The following PCDH11X variants were observed in gnomAD, a reference collection of about 807,000 sequenced individuals.
PCDH11X encodes the protein protocadherin 11 X-linked.
In PCDH11X, 18 loss-of-function variants were observed where a neutral mutation model predicts 53.3. The ratio of observed to expected loss-of-function variants is 0.34; its 90% confidence interval spans 0.23 to 0.50. The LOEUF (loss-of-function observed/expected upper bound fraction) is 0.50. Among genes scored for constraint, PCDH11X ranks in the 20% least tolerant of loss-of-function variants. The pLI, the probability that PCDH11X is intolerant of heterozygous loss-of-function variation, is 0.98. For missense variants in PCDH11X, 570 were observed against 1,032.4 expected, an observed-to-expected ratio of 0.55 and a Z score of 6.14; for synonymous variants, 279 against 393.3, an observed-to-expected ratio of 0.71 and a Z score of 3.44.
chrX:91,781,015 G>A (rs946623587), intron 1 of PCDH11X, among the ~76,000 whole-genome samples: 4 of 112,271 alleles, frequency 3.6e-5, no homozygotes, highest in Middle Eastern at 4.2e-3. Context: ...GCGCTAGGCT[G>A]CTCATGTGAA....
chrX:92,375,416 G>T (rs2070729337), intron 8 of PCDH11X, among the ~76,000 whole-genome samples: 1 of 99,913 alleles, frequency 1.0e-5, no homozygotes, highest in African/African-American at 3.7e-5. Context: ...CTGACCTCAT[G>T]ATCCACCCTC....
rs191771978 is a variant in PCDH11X at position 92,151,374 on chromosome X, A to G, written c.3034-50001A>G. ...TGCCTGGCTAATTTTTTGTATTTTC[A>G]GTAGAGACAGGGTTTCACCGTGTTA... On this transcript the variant is annotated intron_variant, in intron 6 of 10. Coordinates refer to ENST00000682573, the MANE Select transcript of PCDH11X (RefSeq NM_032968.5). Among the ~76,000 whole-genome samples, 6 of 109,511 alleles carry G rather than the reference A, an allele frequency of 5.5e-5. No homozygotes were observed. The East Asian group carries it at 1.7e-3, about 32-fold the overall frequency.
intron 5 of PCDH11X, among the ~76,000 whole-genome samples, chrX:91,853,423 T>A (rs1226465297): frequency 9.2e-6 from 1 of 108,685 alleles, no homozygotes; most frequent in Non-Finnish European, 1.9e-5. Context: ...ATTTCAAATC[T>A]TAACATAAAA....
intron 5 of PCDH11X, among the ~76,000 whole-genome samples, chrX:91,869,422 C>T (rs1269611112): frequency 9.0e-6 from 1 of 111,203 alleles, no homozygotes; most frequent in Non-Finnish European, 1.9e-5. Flanking sequence ...CTGCAATAAA[C>T]CAGCTGTGTG....
chrX:92,525,933 C>G (rs568599256), intron 10 of PCDH11X, among the ~76,000 whole-genome samples: 1 of 111,075 alleles, frequency 9.0e-6, no homozygotes, highest in Admixed American at 9.6e-5. Context: ...ACCGGGTGAC[C>G]TAAGAATGAA....
At chrX:92,439,858 A>AT (rs1260490814) in intron 9 of PCDH11X, among the ~76,000 whole-genome samples, 2 of 99,916 alleles carry the variant, frequency 2.0e-5, no homozygotes, top group African/African-American at 3.5e-5. Flanking sequence ...AAGACTAAAG[A>AT]TTTTTTAAAA....
chrX:92,444,347 G>T (rs2072583449), intron 9 of PCDH11X, among the ~76,000 whole-genome samples: 1 of 105,358 alleles, frequency 9.5e-6, no homozygotes, highest in African/African-American at 3.5e-5. Context: ...TTTTGGGAAG[G>T]AGTGTAAAAA....
At chrX:92,395,959 A>G (rs2071235761) in intron 9 of PCDH11X, among the ~76,000 whole-genome samples, 1 of 110,087 alleles carries the variant, frequency 9.1e-6, no homozygotes, top group South Asian at 3.9e-4. Flanking sequence ...TTTTTTAAAA[A>G]AGGTTCCCAT....
chrX:92,243,028 G>A (rs2067288523), intron 7 of PCDH11X, among the ~76,000 whole-genome samples: 1 of 109,796 alleles, frequency 9.1e-6, no homozygotes, highest in Admixed American at 9.8e-5. Flanking sequence ...TTTCAGATAT[G>A]TGAATTGCAA....
intron 5 of PCDH11X, among the ~76,000 whole-genome samples, chrX:91,848,520 A>G (rs5984129): frequency 0.12 from 13,433 of 111,334 alleles, 1,951 homozygotes; most frequent in African/African-American, 0.41. Flanking sequence ...TAATCTAATT[A>G]TTTTTGTTAT....
chrX:92,203,307 A>C (rs1313558137), intron 7 of PCDH11X, among the ~76,000 whole-genome samples: 1 of 112,896 alleles, frequency 8.9e-6, no homozygotes, highest in African/African-American at 3.2e-5. Context: ...GTATATGTGC[A>C]TCTGAAATTC....
intron 8 of PCDH11X, among the ~76,000 whole-genome samples, chrX:92,266,852 C>A (rs2067843319): frequency 9.2e-6 from 1 of 109,164 alleles, no homozygotes; most frequent in Admixed American, 9.9e-5. Flanking sequence ...TCAAATGATT[C>A]TCCTGCCTCA....
chrX:92,588,701 C>T (rs1212763212), intron 10 of PCDH11X, among the ~76,000 whole-genome samples: 1 of 109,010 alleles, frequency 9.2e-6, no homozygotes, highest in Non-Finnish European at 1.9e-5. Context: ...GGGGTATTGG[C>T]CTTAAAGAAG....
intron 9 of PCDH11X, among the ~76,000 whole-genome samples, chrX:92,434,983 T>C (rs1345332709): frequency 9.0e-6 from 1 of 111,123 alleles, no homozygotes; most frequent in African/African-American, 3.3e-5. Flanking sequence ...ACCAGTTCTC[T>C]AAGAAGGGCT....
intron 10 of PCDH11X, among the ~76,000 whole-genome samples, chrX:92,607,531 G>C (rs1193348192): frequency 9.0e-6 from 1 of 111,560 alleles, no homozygotes; most frequent in Non-Finnish European, 1.9e-5. Context: ...AGATGTCCCA[G>C]AATTGAGATG....
chrX:92,199,572 C>T (rs1301909750), intron 6 of PCDH11X, among the ~76,000 whole-genome samples: 1 of 111,052 alleles, frequency 9.0e-6, no homozygotes, highest in African/African-American at 3.3e-5. Context: ...CTGCAAGTGT[C>T]ATTTCTCTCA....
intron 6 of PCDH11X, among the ~76,000 whole-genome samples, chrX:92,017,931 C>G (rs1022303553): frequency 5.0e-5 from 5 of 100,445 alleles, no homozygotes; most frequent in Admixed American, 1.1e-4. Context: ...TGAGCTATGT[C>G]TGTATTGAGT....
At chrX:92,250,243 G>T (rs1255781779) in intron 7 of PCDH11X, among the ~76,000 whole-genome samples, 3 of 110,811 alleles carry the variant, frequency 2.7e-5, no homozygotes, top group Non-Finnish European at 1.9e-5. Flanking sequence ...AAAATATTTG[G>T]ATAGGAATAG....
At chrX:92,398,654 A>G (rs1315612194) in intron 9 of PCDH11X, among the ~76,000 whole-genome samples, 3 of 111,123 alleles carry the variant, frequency 2.7e-5, no homozygotes, top group Non-Finnish European at 5.7e-5. Context: ...TTATTAAAGT[A>G]TATAAGACTA....
Sources: allele counts gnomAD v4.1 joint callset (sites outside exome capture counted in the v4.1 genomes callset), GRCh38; gene constraint gnomAD v4.1.1; transcripts MANE v1.5; gene names NCBI Gene and HGNC (gene_info 2026-07-23, HGNC 2026-07-21).